Variants in LARP1 observed in about 807,000 individuals in gnomAD.
The protein encoded by LARP1 is La ribonucleoprotein 1, translational regulator, also known as la-related protein 1.
In LARP1, 36 loss-of-function variants were observed where a neutral mutation model predicts 122.7. That is an observed-to-expected ratio of 0.29 (90% CI 0.22 to 0.39). The LOEUF is 0.39. LARP1 is among the 10% of genes least tolerant of loss of function. LARP1 has a pLI of 1.00. For missense variants in LARP1, 1,040 were observed against 1,403.6 expected (o/e 0.74, Z 4.14); for synonymous variants, 539 against 528.7 (o/e 1.02, Z -0.27).
At chr5:154,741,568 C>T (rs1477059454) in intron 1 of LARP1, among the ~76,000 whole-genome samples, 2 of 151,420 alleles carry the variant, frequency 1.3e-5, no homozygotes, top group Non-Finnish European at 2.9e-5. Context: ...TGCAAAGTAT[C>T]GGGTGTTTGT....
At chr5:154,762,414 C>T (rs1399593759) in intron 1 of LARP1, among the ~76,000 whole-genome samples, 2 of 152,154 alleles carry the variant, frequency 1.3e-5, no homozygotes, top group African/African-American at 4.8e-5. Flanking sequence ...GCTGAATTTT[C>T]AACAAGGGCT....
chr5:154,814,159 G>T lies in LARP1; in HGVS notation c.*63G>T, dbSNP rs993165428. 27 of 1,527,674 alleles carry T rather than the reference G, an allele frequency of 1.8e-5. No homozygotes were observed. Among genetic ancestry groups the T allele is most frequent in the Non-Finnish European group, 2.2e-5 (25 of 1,113,450 alleles). The allele number at this position is 1,527,674 out of a possible 1,614,324, so 94.6% of individuals were successfully genotyped here. A position where few individuals can be genotyped will look rare whatever the true frequency, so the allele number is the denominator to read the frequency against. On this transcript the variant is annotated 3_prime_UTR_variant, in exon 19 of 19. Transcript: ENST00000518297. ...GTAGGGTGGGTAAGAGTCCATGGGG[G>T]TGCCCAGTCCCAGGAAAGGGGACAA...
chr5:154,690,986 A>G (rs1339757649), intron 1 of LARP1, among the ~76,000 whole-genome samples: 2 of 152,170 alleles, frequency 1.3e-5, no homozygotes, highest in East Asian at 3.9e-4. Context: ...AGGGCTGGGC[A>G]CGGTGGCTCA....
chr5:154,773,812 C>A (rs190108916), intron 1 of LARP1, among the ~76,000 whole-genome samples: 2 of 152,216 alleles, frequency 1.3e-5, no homozygotes, highest in African/African-American at 4.8e-5. Context: ...CAGGCCAGCA[C>A]TGGCCTGTCT....
At chr5:154,765,097 C>A (rs1222260086) in intron 1 of LARP1, among the ~76,000 whole-genome samples, 1 of 152,088 alleles carries the variant, frequency 6.6e-6, no homozygotes, top group Non-Finnish European at 1.5e-5. Flanking sequence ...AATTCAGAGT[C>A]CTTAGAGTGT....
chr5:154,717,071 A>T (rs1490501882), intron 1 of LARP1, among the ~76,000 whole-genome samples: 1 of 151,992 alleles, frequency 6.6e-6, no homozygotes, highest in African/African-American at 2.4e-5. Context: ...AAAAAAAAAA[A>T]AAGAAAAAGA....
exon 1 of LARP1, chr5:154,712,995 C>G (rs775035812): frequency 2.5e-6 from 4 of 1,614,042 alleles, no homozygotes; most frequent in Admixed American, 1.7e-5. Flanking sequence ...CCAAGAGGCT[C>G]CCATACCTAG....
intron 8 of LARP1, among the ~76,000 whole-genome samples, chr5:154,796,496 A>C (rs1355887047): frequency 6.6e-6 from 1 of 151,990 alleles, no homozygotes; most frequent in Non-Finnish European, 1.5e-5. Context: ...TCATTTTAAC[A>C]TGTTCATCTG....
intron 1 of LARP1, among the ~76,000 whole-genome samples, chr5:154,722,699 GA>G (rs1255040955): frequency 2.1e-4 from 11 of 52,664 alleles, no homozygotes; most frequent in African/African-American, 6.9e-4. Flanking sequence ...TTTTTTTTTT[GA>G]GACGGAGTCT....
At chr5:154,723,444 G>T (rs563017000) in intron 1 of LARP1, among the ~76,000 whole-genome samples, 1 of 152,218 alleles carries the variant, frequency 6.6e-6, no homozygotes, top group Non-Finnish European at 1.5e-5. Context: ...TATTACCATG[G>T]ACTGGGATGG....
intron 8 of LARP1, among the ~76,000 whole-genome samples, chr5:154,796,084 A>T (rs1399674758): frequency 9.9e-5 from 10 of 100,536 alleles, no homozygotes; most frequent in Middle Eastern, 9.0e-3. Flanking sequence ...TATATATATT[A>T]TATATATATT....
At chr5:154,713,329 T>C (rs911960708) in intron 1 of LARP1, among the ~76,000 whole-genome samples, 1 of 152,214 alleles carries the variant, frequency 6.6e-6, no homozygotes, top group African/African-American at 2.4e-5. Context: ...AGCTTTCCTC[T>C]TCTATTGTTT....
intron 1 of LARP1, among the ~76,000 whole-genome samples, chr5:154,778,624 A>G (rs1756126736): frequency 2.0e-5 from 3 of 152,224 alleles, no homozygotes; most frequent in Non-Finnish European, 4.4e-5. Context: ...TGTGGATGAT[A>G]GGATTCTGCC....
chr5:154,713,540 G>C (rs1006560695), intron 1 of LARP1, among the ~76,000 whole-genome samples: 1 of 152,152 alleles, frequency 6.6e-6, no homozygotes, highest in Admixed American at 6.6e-5. Context: ...CTGTCTGTGA[G>C]ATCTTATCTA....
chr5:154,786,963 C>G (rs947379371), intron 1 of LARP1, among the ~76,000 whole-genome samples: 2 of 151,924 alleles, frequency 1.3e-5, no homozygotes, highest in African/African-American at 4.8e-5. Flanking sequence ...ACCACAACCT[C>G]CTGCCTCCTG....
At chr5:154,687,435 G>A (rs1753986892) in intron 1 of LARP1, among the ~76,000 whole-genome samples, 1 of 152,198 alleles carries the variant, frequency 6.6e-6, no homozygotes, top group African/African-American at 2.4e-5. Context: ...AGGCCGGAGT[G>A]CAGTGGCGTG....
At chr5:154,798,910 G>A (rs1398344576) in intron 8 of LARP1, among the ~76,000 whole-genome samples, 1 of 152,216 alleles carries the variant, frequency 6.6e-6, no homozygotes, top group Non-Finnish European at 1.5e-5. Flanking sequence ...TGTCGCCCAG[G>A]CTGGAGTGCA....
At chr5:154,684,899 C>T (rs984772701) in intron 1 of LARP1, among the ~76,000 whole-genome samples, 5 of 152,072 alleles carry the variant, frequency 3.3e-5, no homozygotes, top group Non-Finnish European at 5.9e-5. Flanking sequence ...CCAGAAATGA[C>T]GTGGTTAGGG....
intron 1 of LARP1, among the ~76,000 whole-genome samples, chr5:154,702,923 G>A (rs1224592412): frequency 6.6e-6 from 1 of 151,714 alleles, no homozygotes; most frequent in Non-Finnish European, 1.5e-5. Context: ...TTCAAGACCA[G>A]CCTGGCCAAC....
Sources: gnomAD v4.1 joint callset for allele counts (sites outside exome capture counted in the v4.1 genomes callset) on GRCh38, gnomAD v4.1.1 for gene constraint, MANE v1.5 for transcripts, NCBI Gene and HGNC (gene_info 2026-07-23, HGNC 2026-07-21) for gene names.